The following ENTPD3 variants were observed in gnomAD, a reference collection of about 807,000 sequenced individuals.
The protein encoded by ENTPD3 is ectonucleoside triphosphate diphosphohydrolase 3.
Under a neutral mutation model 51.2 loss-of-function variants are expected in ENTPD3, and 60 were observed. The observed-to-expected ratio is 1.17, with a 90% CI of 0.95 to 1.45. ENTPD3 has a LOEUF of 1.45. Ranked by LOEUF, ENTPD3 falls within the 40% of genes most tolerant of loss-of-function variation. The pLI is 0.00. For synonymous variants in ENTPD3, 221 were observed against 238.4 expected (o/e 0.93, Z 0.67); for missense variants, 593 against 641.1 (o/e 0.93, Z 0.81).
chr3:40,414,567 T>C, intron 5 of ENTPD3, 114 bp from the exon 6 acceptor site: 1 of 1,161,848 alleles, frequency 8.6e-7, no homozygotes, highest in East Asian at 2.6e-5. Flanking sequence ...GGAAAATCAT[T>C]CATCCCCACC....
intron 2 of ENTPD3, among the ~76,000 whole-genome samples, 194 bp downstream of exon 2, chr3:40,388,291 A>C (rs1462506079): frequency 1.3e-5 from 2 of 152,192 alleles, no homozygotes; most frequent in African/African-American, 2.4e-5. Flanking sequence ...AAGCCACACA[A>C]AACAAGGACT....
rs1464263609 is a variant in ENTPD3, at chr3:40,397,289, T to C, written c.169-3605T>C. ...TTACTGAACAGTCATGCCATTACACTTGGTTTCCTTGGAGCTCAGTGAAAA... is the reference window on the plus strand; with the variant it reads ...TTACTGAACAGTCATGCCATTACACCTGGTTTCCTTGGAGCTCAGTGAAAA... On this transcript the variant is annotated intron_variant, in intron 3 of 10. Coordinates refer to ENST00000301825, the MANE Select transcript of ENTPD3 (RefSeq NM_001248.4). 2.6e-5 allele frequency among the ~76,000 whole-genome samples: 4 copies of C among 152,028 alleles called. No individual in the cohort carries two copies. The East Asian group carries it at 5.8e-4, about 22-fold the overall frequency.
In ENTPD3 at chr3:40,411,872, G is replaced by A. The variant is rs1191840968; in HGVS notation, c.347G>A (p.Cys116Tyr). The change falls in exon 5 of 11, where the codon TGT (cysteine) becomes TAT (tyrosine). Residue 116 changes from cysteine (C) to tyrosine (Y), a missense_variant. Transcript: ENST00000301825. Reference sequence around the variant, plus strand: ...GATGTCCCCAGAGCCTTTGAGGAGTGTATGCAAAAAGTCAAGGGGCAGGTT... The same window carrying A: ...GATGTCCCCAGAGCCTTTGAGGAGTATATGCAAAAAGTCAAGGGGCAGGTT... Reference protein sequence around the residue: ...PQDVPRAFEECMQKVKGQVPS... With the variant: ...PQDVPRAFEEYMQKVKGQVPS... 9 of 1,612,598 alleles carry A rather than the reference G, an allele frequency of 5.6e-6. No homozygotes were observed. The highest frequency in any genetic ancestry group is 7.6e-6 in the Non-Finnish European group (9 of 1,179,414).
rs1226383148 is a variant in ENTPD3, at chr3:40,428,695, G to T, written c.*1187G>T. 1.3e-5 allele frequency: 2 copies of T among 152,142 alleles called. No individual in the cohort carries two copies. Among genetic ancestry groups the T allele is most frequent in the Admixed American group, 6.5e-5 (1 of 15,280 alleles). 9.4% of individuals were successfully genotyped at this position (152,142 alleles called of 1,614,324 possible). ...AGGACCCTAGGTGATATTTATGAGA[G>T]AAATTTTTTTCCCTAGCAAATTAAG... On this transcript the variant is annotated 3_prime_UTR_variant, in exon 11 of 11. Transcript: ENST00000301825.
intron 4 of ENTPD3, among the ~76,000 whole-genome samples, chr3:40,401,871 C>T (rs1016473984): frequency 2.6e-5 from 4 of 152,228 alleles, no homozygotes; most frequent in South Asian, 4.2e-4. Flanking sequence ...ATTAATGATC[C>T]GCCATGCAGC....
chr3:40,420,292 G>A (rs1392013101), intron 7 of ENTPD3, among the ~76,000 whole-genome samples: 1 of 148,296 alleles, frequency 6.7e-6, no homozygotes, highest in Admixed American at 6.8e-5. Flanking sequence ...CTGGAGTGCA[G>A]TGGTGTGATC....
chr3:40,415,708 G>C (rs1022733354), intron 6 of ENTPD3, 132 bp from the exon 7 acceptor site: 2 of 656,720 alleles, frequency 3.0e-6, no homozygotes, highest in Non-Finnish European at 5.3e-6. Flanking sequence ...AAAAGAAAAG[G>C]AAAGAATTGG....
At chr3:40,391,537 G>A (rs139082693) in intron 2 of ENTPD3, 72 of 155,184 alleles carry the variant, frequency 4.6e-4, no homozygotes, top group Middle Eastern at 3.2e-3. Context: ...ATTGGCTGCC[G>A]TGGTAGCAGG....
chr3:40,412,054 C>A, intron 5 of ENTPD3, 92 bp downstream of exon 5: 1 of 1,241,946 alleles, frequency 8.1e-7, no homozygotes, highest in Non-Finnish European at 1.0e-6. Flanking sequence ...TTTCTGGGAA[C>A]AACCCTCGCC....
rs570995054 is a variant in ENTPD3, at chr3:40,424,376, A to G, written c.1353+413A>G. Among the ~76,000 whole-genome samples, 3 of 152,342 alleles carry G rather than the reference A, an allele frequency of 2.0e-5. No homozygotes were observed. The South Asian group carries it at 6.2e-4, about 32-fold the overall frequency. On this transcript the variant is annotated intron_variant, in intron 10 of 10. Transcript: ENST00000301825. ...AATGTAACAGTTTTTTAAAGAGGAT[A>G]GTAACTAATTCTTCTCCATTTTATT...
chr3:40,427,751 G>A lies in ENTPD3; in HGVS notation c.*243G>A. 1.9e-6 allele frequency: 1 copy of A among 540,342 alleles called. No homozygotes were observed. The highest frequency in any genetic ancestry group is 3.3e-6 in the Non-Finnish European group (1 of 300,154). 33.5% of individuals were successfully genotyped at this position (540,342 alleles called of 1,614,324 possible). A position where few individuals can be genotyped will look rare whatever the true frequency, so the allele number is the denominator to read the frequency against. ...TGCTGATCTATTGGGGAACAGAGAA[G>A]AGACAGGCCACGAAGGTCAGGCTCT... On this transcript the variant is annotated 3_prime_UTR_variant, in exon 11 of 11. Transcript: ENST00000301825.
intron 10 of ENTPD3, 134 bp from the exon 11 acceptor site, chr3:40,427,138 G>T: frequency 2.8e-6 from 2 of 707,188 alleles, no homozygotes; most frequent in South Asian, 1.7e-5. Context: ...GTCTTAACTT[G>T]GGCAAGTCCT....
In ENTPD3 at chr3:40,409,896, A is replaced by G. The variant is rs1955589895; in HGVS notation, c.287-1916A>G. On this transcript the variant is annotated intron_variant, in intron 4 of 10. Coordinates refer to ENST00000301825, the MANE Select transcript of ENTPD3 (RefSeq NM_001248.4). The stretch of plus-strand genomic sequence containing the variant: ...AATGCAAAGAAAAAAAAAGTGGAGA[A>G]AAGTATATATAGTAAATTACCATTT... 2.0e-5 allele frequency among the ~76,000 whole-genome samples: 3 copies of G among 152,214 alleles called. No individual in the cohort carries two copies. The South Asian group carries it at 6.2e-4, about 32-fold the overall frequency.
chr3:40,398,174 C>A (rs576240733), intron 3 of ENTPD3, among the ~76,000 whole-genome samples: 1 of 152,274 alleles, frequency 6.6e-6, no homozygotes, highest in East Asian at 1.9e-4. Context: ...CTGCTGCAGA[C>A]CCTGGTGAAA....
chr3:40,422,833 T>C lies in ENTPD3; in HGVS notation c.832-17T>C. ...CAATAAACATACGTGTCTAACACCT[T>C]ACTCTTATACCTACAGAATTCTCCT... is the stretch of plus-strand genomic sequence containing the variant. On this transcript the variant is annotated splice_polypyrimidine_tract_variant and intron_variant, in intron 7 of 10. Transcript: ENST00000301825. The C allele has an allele frequency of 6.2e-7, 1 of 1,602,210 alleles. No homozygotes were observed. The highest frequency in any genetic ancestry group is 8.5e-7 in the Non-Finnish European group (1 of 1,176,734).
chr3:40,423,819 C>T lies in ENTPD3; in HGVS notation c.1216-7C>T. On this transcript the variant is annotated splice_region_variant and splice_polypyrimidine_tract_variant and intron_variant, in intron 9 of 10. Coordinates refer to ENST00000301825, the MANE Select transcript of ENTPD3 (RefSeq NM_001248.4). Reference sequence around the variant, plus strand: ...GCCCTGCCTCTCAGATGTTTTAAACCTTTCAGCTCCCACTGCTGCTCCCCA... The same window carrying T: ...GCCCTGCCTCTCAGATGTTTTAAACTTTTCAGCTCCCACTGCTGCTCCCCA... The T allele has an allele frequency of 6.2e-7, 1 of 1,613,504 alleles. No individual in the cohort carries two copies. The highest frequency in any genetic ancestry group is 8.5e-7 in the Non-Finnish European group (1 of 1,179,654).
At chr3:40,424,109 C>T in intron 10 of ENTPD3, 146 bp downstream of exon 10, 1 of 1,474,800 alleles carries the variant, frequency 6.8e-7, no homozygotes. Flanking sequence ...TGTGAGTTTC[C>T]CAGAAGAGGT....
At chr3:40,427,034 G>A (rs1208458542) in intron 10 of ENTPD3, among the ~76,000 whole-genome samples, 1 of 152,126 alleles carries the variant, frequency 6.6e-6, no homozygotes, top group African/African-American at 2.4e-5. Context: ...TTCACTCTTG[G>A]CTGTGACAAG....
At chr3:40,411,581 CA>C (rs1363512736) in intron 4 of ENTPD3, among the ~76,000 whole-genome samples, 1 of 152,078 alleles carries the variant, frequency 6.6e-6, no homozygotes, top group African/African-American at 2.4e-5. Context: ...ATAATGAAAA[CA>C]TTTTTTTAAA....
Sources: allele counts gnomAD v4.1 joint callset (sites outside exome capture counted in the v4.1 genomes callset), GRCh38; gene constraint gnomAD v4.1.1; transcripts MANE v1.5; gene names NCBI Gene and HGNC (gene_info 2026-07-23, HGNC 2026-07-21).